MRPL12: variants seen among roughly 807,000 people sequenced by gnomAD.
MRPL12 encodes the protein mitochondrial ribosomal protein L12, also known as large ribosomal subunit protein bL12m.
Under a neutral mutation model 21.1 loss-of-function variants are expected in MRPL12, and 13 were observed. The observed-to-expected ratio is 0.62, with a 90% CI of 0.40 to 0.98. The LOEUF is 0.98. Among genes scored for constraint, MRPL12 ranks in the 50% least tolerant of loss-of-function variants. The pLI, the probability that MRPL12 is intolerant of heterozygous loss-of-function variation, is 0.00. For synonymous variants in MRPL12, 126 were observed against 115.3 expected (o/e 1.09, Z -0.60); for missense variants, 251 against 268.6 (o/e 0.93, Z 0.46).
intron 3 of MRPL12, among the ~76,000 whole-genome samples, chr17:81,705,099 T>C (rs1203152054): frequency 2.0e-5 from 3 of 151,068 alleles, no homozygotes; most frequent in South Asian, 2.1e-4. Flanking sequence ...AAAAATTAGC[T>C]GGGCCTGGTG....
rs558260734 is a variant in MRPL12, at chr17:81,707,460, C to T, written c.*220C>T. The T allele has an allele frequency of 2.8e-5, 15 of 544,034 alleles. No individual in the cohort carries two copies. Among genetic ancestry groups the T allele is most frequent in the Middle Eastern group, 9.8e-4 (2 of 2,034 alleles). The allele number at this position is 544,034 out of a possible 1,614,324, so 33.7% of individuals were successfully genotyped here. ...GACGGCACCCGGAGGCCCACCAGGA[C>T]GCGCCACCGGTGAATGTGCCTCTGG... On this transcript the variant is annotated 3_prime_UTR_variant, in exon 5 of 5. Coordinates refer to ENST00000333676, the MANE Select transcript of MRPL12 (RefSeq NM_002949.4).
At chr17:81,706,102 G>A (rs116069065) in intron 3 of MRPL12, among the ~76,000 whole-genome samples, 2,864 of 152,332 alleles carry the variant, frequency 0.019, 101 homozygotes, top group African/African-American at 0.065. Context: ...ATGGCGGGTT[G>A]TCATTTTCTC....
chr17:81,705,574 CGG>C (rs967030861), intron 3 of MRPL12, among the ~76,000 whole-genome samples: 1 of 152,042 alleles, frequency 6.6e-6, no homozygotes, highest in Non-Finnish European at 1.5e-5. Flanking sequence ...TGGCGGAGGA[CGG>C]GGAGGCACCA....
In MRPL12 at chr17:81,707,017, A is replaced by T; in HGVS notation, c.457A>T (p.Ile153Phe). 1 of 1,614,114 alleles carries T rather than the reference A, an allele frequency of 6.2e-7. No homozygotes were observed. Among genetic ancestry groups the T allele is most frequent in the East Asian group, 2.2e-5 (1 of 44,884 alleles). ...GCTGATCAAGGAAATCAAGAACTAC[A>T]TCCAAGGCATCAACCTCGTCCAGGT... ...VKLIKEIKNY[I>F]QGINLVQAKK... The change falls in exon 4 of 5, where the codon ATC becomes TTC. Residue 153 changes from isoleucine (I) to phenylalanine (F), a missense_variant. Physicochemically the swap from Ile to Phe is conservative, Grantham distance 21. Coordinates refer to ENST00000333676, the MANE Select transcript of MRPL12 (RefSeq NM_002949.4).
In MRPL12 at chr17:81,704,619, C is replaced by G. The variant is rs368213507; in HGVS notation, c.262-14C>G. On this transcript the variant is annotated splice_polypyrimidine_tract_variant and intron_variant, in intron 2 of 4. Transcript: ENST00000333676. ...GTGAGGGCCAGCTGTGGACACTGTT[C>G]TCTATCTCTGCAGAAAACGTTGAAG... 3.7e-6 allele frequency: 6 copies of G among 1,613,538 alleles called. No individual in the cohort carries two copies. The African/African-American group carries it at 8.0e-5, about 22-fold the overall frequency.
Position 81,704,672 on chromosome 17 carries a change from G to A in MRPL12, c.301G>A (p.Gly101Ser), listed in dbSNP as rs2037295113. Residue 101 changes from glycine (G) to serine (S), a missense_variant, in exon 3 of 5, where the codon GGT becomes AGT. By Grantham distance (56) the Gly-to-Ser change is moderately conservative. Transcript: ENST00000333676. ...KIQDVGLVPMGGVMSGAVPAA... is the reference protein window; with the variant it reads ...KIQDVGLVPMSGVMSGAVPAA... ...CCAGGATGTCGGGCTTGTGCCGATGGGTGGTGTGATGTCTGGGGCTGTCCC... is the reference window on the plus strand; with the variant it reads ...CCAGGATGTCGGGCTTGTGCCGATGAGTGGTGTGATGTCTGGGGCTGTCCC... 3 of 1,613,920 alleles carry A rather than the reference G, an allele frequency of 1.9e-6. No homozygotes were observed. Among genetic ancestry groups the A allele is most frequent in the African/African-American group, 2.7e-5 (2 of 75,042 alleles).
At chr17:81,704,751 GC>G in intron 3 of MRPL12, 35 bp downstream of exon 3, 2 of 1,559,416 alleles carry the variant, frequency 1.3e-6, no homozygotes, top group Non-Finnish European at 8.8e-7. Context: ...TTTCTGGGGT[GC>G]CCAGTTCGCC....
At chr17:81,706,329 C>G (rs2037314238) in intron 3 of MRPL12, among the ~76,000 whole-genome samples, 1 of 152,074 alleles carries the variant, frequency 6.6e-6, no homozygotes, top group Admixed American at 6.5e-5. Flanking sequence ...CGATCTCAGC[C>G]CCCGCCTCCC....
intron 3 of MRPL12, 43 bp from the exon 4 acceptor site, chr17:81,706,863 C>A (rs375795713): frequency 6.2e-7 from 1 of 1,606,490 alleles, no homozygotes; most frequent in South Asian, 1.1e-5. Flanking sequence ...TAGCTCCCCC[C>A]AGCCCTTTGT....
chr17:81,704,961 G>A (rs569715101), intron 3 of MRPL12, among the ~76,000 whole-genome samples: 2 of 152,218 alleles, frequency 1.3e-5, no homozygotes, highest in South Asian at 2.1e-4. Context: ...GAGGCTGGGC[G>A]TGGTGGCTCA....
intron 3 of MRPL12, 27 bp downstream of exon 3, chr17:81,704,743 TC>T: frequency 6.3e-7 from 1 of 1,590,020 alleles, no homozygotes; most frequent in Non-Finnish European, 8.6e-7. Context: ...ATGAGGCATT[TC>T]TGGGGTGCCC....
intron 4 of MRPL12, 23 bp from the exon 5 acceptor site, chr17:81,707,101 C>T (rs975703757): frequency 6.8e-6 from 11 of 1,613,938 alleles, no homozygotes; most frequent in Non-Finnish European, 8.5e-6. Flanking sequence ...GCCCCCAGTC[C>T]CTGACTTTGC....
intron 1 of MRPL12, among the ~76,000 whole-genome samples, chr17:81,703,884 C>A (rs1041215521): frequency 3.9e-5 from 6 of 152,238 alleles, no homozygotes; most frequent in African/African-American, 1.4e-4. Flanking sequence ...CAGGGGCCCC[C>A]ATGTTTTGGG....
intron 1 of MRPL12, 44 bp from the exon 2 acceptor site, chr17:81,704,200 A>G (rs980830332): frequency 6.4e-7 from 1 of 1,557,780 alleles, no homozygotes; most frequent in Non-Finnish European, 8.7e-7. Context: ...AGCCCCTTCC[A>G]TTCCAGGACT....
chr17:81,703,769 A>G (rs1432553297), intron 1 of MRPL12, among the ~76,000 whole-genome samples, 194 bp downstream of exon 1: 1 of 152,198 alleles, frequency 6.6e-6, no homozygotes, highest in Admixed American at 6.5e-5. Context: ...GGCCGTGGAA[A>G]GCGCCGGGGT....
rs8074290 is a variant in MRPL12, at chr17:81,703,508, C to T, written c.7C>T (p.Pro3Ser). ...CCTTCCAGCCCGCGGACCGATGCTG[C>T]CGGCGGCCGCTCGCCCCCTGTGGGG... Reference protein sequence around the residue: MLPAAARPLWGPC... With the variant: MLSAAARPLWGPC... Residue 3 changes from proline to serine, a missense_variant, in exon 1 of 5, where the codon CCG becomes TCG. Transcript: ENST00000333676. 2.0e-4 allele frequency: 302 copies of T among 1,485,278 alleles called. 1 individual carries two copies. In the African/African-American group the frequency reaches 3.5e-3, roughly 17 times the overall value. 92.0% of individuals were successfully genotyped at this position (1,485,278 alleles called of 1,614,324 possible).
At chr17:81,704,120 C>T (rs993036620) in intron 1 of MRPL12, 124 bp from the exon 2 acceptor site, 16 of 943,180 alleles carry the variant, frequency 1.7e-5, no homozygotes, top group South Asian at 7.2e-5. Context: ...AATTTCCGGC[C>T]CTAGTGATTA....
intron 1 of MRPL12, among the ~76,000 whole-genome samples, 185 bp downstream of exon 1, chr17:81,703,760 G>A (rs1379166198): frequency 1.3e-5 from 2 of 152,256 alleles, no homozygotes; most frequent in South Asian, 2.1e-4. Context: ...TCCCTCCTGG[G>A]CCGTGGAAAG....
chr17:81,705,707 C>T (rs911334462), intron 3 of MRPL12, among the ~76,000 whole-genome samples: 7 of 152,236 alleles, frequency 4.6e-5, no homozygotes, highest in Non-Finnish European at 8.8e-5. Flanking sequence ...AACCAGTGAA[C>T]TTGAAGCCGC....
Sources: gnomAD v4.1 joint callset for allele counts (sites outside exome capture counted in the v4.1 genomes callset) on GRCh38, gnomAD v4.1.1 for gene constraint, MANE v1.5 for transcripts, NCBI Gene and HGNC (gene_info 2026-07-23, HGNC 2026-07-21) for gene names.